GANC: variants seen among roughly 807,000 people sequenced by gnomAD.
The protein encoded by GANC is glucosidase alpha, neutral C.
A neutral mutation model predicts 124.2 loss-of-function variants in GANC; 117 were observed. The ratio of observed to expected loss-of-function variants is 0.94; its 90% CI spans 0.81 to 1.10. The LOEUF is 1.10. GANC is among the 50% of genes least tolerant of loss of function. GANC has a pLI of 0.00. For missense variants in GANC, 1,140 were observed against 1,095.0 expected, an observed-to-expected ratio of 1.04 and a Z score of -0.58; for synonymous variants, 377 against 376.8, an observed-to-expected ratio of 1.00 and a Z score of -0.01.
intron 14 of GANC, among the ~76,000 whole-genome samples, chr15:42,329,767 C>T (rs2052227737): frequency 6.6e-6 from 1 of 152,090 alleles, no homozygotes. Context: ...TTGATGCAAG[C>T]AGTATATAAA....
At chr15:42,280,196 A>G (rs1038185749) in intron 3 of GANC, among the ~76,000 whole-genome samples, 3 of 152,078 alleles carry the variant, frequency 2.0e-5, no homozygotes, top group Admixed American at 6.5e-5. Flanking sequence ...GCCTTTCTCC[A>G]AAATCTAGTA....
chr15:42,322,513 C>T (rs538512121), intron 11 of GANC, among the ~76,000 whole-genome samples: 7 of 152,064 alleles, frequency 4.6e-5, no homozygotes, highest in Admixed American at 2.6e-4. Flanking sequence ...GGCTCTTGCA[C>T]GCAGGCTGAG....
intron 2 of GANC, chr15:42,278,107 T>C: frequency 3.0e-6 from 1 of 327,916 alleles, no homozygotes; most frequent in South Asian, 2.3e-5. Context: ...GTTAAACCAC[T>C]AGATTATATT....
In GANC at chr15:42,340,853, G is replaced by A. The variant is rs141396226; in HGVS notation, c.2152+99G>A. 2,288 of 891,240 alleles carry A rather than the reference G, an allele frequency of 2.6e-3. 46 individuals are homozygous for A. In the African/African-American group the frequency reaches 0.037, roughly 14 times the overall value. The allele number at this position is 891,240 out of a possible 1,614,324, so 55.2% of individuals were successfully genotyped here. ...GCTATCTCGGCTCACTGCAACCTCC[G>A]CCTCCCGGTTTCAAGAAATTGTCTG... On this transcript the variant is annotated intron_variant, in intron 18 of 23. Transcript: ENST00000318010.
intron 11 of GANC, among the ~76,000 whole-genome samples, chr15:42,323,490 A>T (rs2052177071): frequency 7.2e-6 from 1 of 139,158 alleles, no homozygotes; most frequent in Non-Finnish European, 1.6e-5. Context: ...ATTTTATTTT[A>T]TTTATTTATT....
At chr15:42,334,588 A>G (rs1283169090) in intron 15 of GANC, among the ~76,000 whole-genome samples, 1 of 152,224 alleles carries the variant, frequency 6.6e-6, no homozygotes, top group Non-Finnish European at 1.5e-5. Flanking sequence ...TGCCCTTTCA[A>G]AGACATTGGT....
chr15:42,310,623 T>TA (rs2052041622), intron 9 of GANC, 70 bp from the exon 10 acceptor site: 1 of 1,563,230 alleles, frequency 6.4e-7, no homozygotes, highest in Non-Finnish European at 8.7e-7. Flanking sequence ...ATCAGACTGT[T>TA]ACTTATATGT....
At position 42,273,443 on chromosome 15, in the gene GANC, C is replaced by T; in HGVS notation, c.-1039C>T. 1 of 1,609,278 alleles carries T rather than the reference C, an allele frequency of 6.2e-7. No homozygotes were observed. Among genetic ancestry groups the T allele is most frequent in the Non-Finnish European group, 8.5e-7 (1 of 1,178,072 alleles). ...CTACCGAAAGCATTTCACCCTCTTC[C>T]GGTTCGTCCCGCCTTCTTCCGGCTC... On this transcript the variant is annotated 5_prime_UTR_variant, in exon 1 of 24. Transcript: ENST00000318010.
At chr15:42,290,723 A>G (rs1201407550) in intron 4 of GANC, among the ~76,000 whole-genome samples, 1 of 152,172 alleles carries the variant, frequency 6.6e-6, no homozygotes, top group East Asian at 1.9e-4. Context: ...TGAAAGGATC[A>G]CTTGACCCCA....
Position 42,274,237 on chromosome 15 carries a change from C to T in GANC, c.-245C>T. The T allele has an allele frequency of 2.0e-6, 1 of 497,152 alleles. No individual in the cohort carries two copies. Among genetic ancestry groups the T allele is most frequent in the South Asian group, 2.2e-5 (1 of 46,406 alleles). The allele number at this position is 497,152 out of a possible 1,614,324, so 30.8% of individuals were successfully genotyped here. ...TAACAAAAGCACGTTCCTCATCAGC[C>T]ACCCATAATCAAGACAAATTTGCCA... On this transcript the variant is annotated 5_prime_UTR_variant, in exon 1 of 24. Coordinates refer to ENST00000318010, the MANE Select transcript of GANC (RefSeq NM_198141.3).
chr15:42,312,256 T>C (rs775866660), intron 10 of GANC, among the ~76,000 whole-genome samples: 5 of 152,246 alleles, frequency 3.3e-5, no homozygotes, highest in African/African-American at 1.2e-4. Context: ...ATACTTCTTA[T>C]ATGATTTGGC....
intron 3 of GANC, among the ~76,000 whole-genome samples, chr15:42,279,076 A>G (rs2051705655): frequency 6.6e-6 from 1 of 152,232 alleles, no homozygotes; most frequent in African/African-American, 2.4e-5. Context: ...ATATGAATAT[A>G]AGTATATAGA....
At chr15:42,298,562 T>G (rs1200930032) in intron 6 of GANC, among the ~76,000 whole-genome samples, 1 of 152,210 alleles carries the variant, frequency 6.6e-6, no homozygotes, top group Non-Finnish European at 1.5e-5. Context: ...TGCATGGTCT[T>G]ATTTCTATTT....
intron 2 of GANC, among the ~76,000 whole-genome samples, chr15:42,277,347 A>G (rs372099980): frequency 1.1e-3 from 164 of 152,074 alleles, no homozygotes; most frequent in African/African-American, 3.8e-3. Context: ...CCTGACCAAC[A>G]TGCAGAAACC....
chr15:42,298,279 GA>G (rs891411559), intron 6 of GANC, among the ~76,000 whole-genome samples: 37 of 152,288 alleles, frequency 2.4e-4, no homozygotes, highest in African/African-American at 7.5e-4. Context: ...TTCATCTGGA[GA>G]AAGGAAAGCA....
At chr15:42,281,016 C>T (rs1437594671) in intron 3 of GANC, 2 of 702,564 alleles carry the variant, frequency 2.8e-6, no homozygotes, top group Non-Finnish European at 5.2e-6. Context: ...AAGACAGCAC[C>T]TGGCTCAAAA....
chr15:42,326,339 C>T lies in GANC; in HGVS notation c.1335C>T (p.Asp445=). The change falls in exon 12 of 24, where the codon GAC becomes GAT. Residue 445 remains aspartate, a synonymous_variant. Coordinates refer to ENST00000318010, the MANE Select transcript of GANC (RefSeq NM_198141.3). ...ATCCCCACATCAAGATTGATCCTGA[C>T]TACTCAGTATATGTGAAGGCCAAAG... ...ISDPHIKIDP[D]YSVYVKAKDQ... is the part of the protein sequence containing the mutation. 3.1e-6 allele frequency: 5 copies of T among 1,614,058 alleles called. No homozygotes were observed. The highest frequency in any genetic ancestry group is 4.2e-6 in the Non-Finnish European group (5 of 1,179,962).
intron 11 of GANC, 70 bp from the exon 12 acceptor site, chr15:42,326,228 C>T (rs2052197417): frequency 9.8e-6 from 11 of 1,118,946 alleles, no homozygotes; most frequent in Non-Finnish European, 1.4e-5. Context: ...CAAACTATGG[C>T]GAAAACATAT....
At chr15:42,313,420 C>T (rs2052072939) in intron 10 of GANC, among the ~76,000 whole-genome samples, 2 of 152,094 alleles carry the variant, frequency 1.3e-5, no homozygotes, top group Admixed American at 1.3e-4. Context: ...TTTTGTGCAT[C>T]AAAGAACATA....
Sources: gnomAD v4.1 joint callset for allele counts (sites outside exome capture counted in the v4.1 genomes callset) on GRCh38, gnomAD v4.1.1 for gene constraint, MANE v1.5 for transcripts, NCBI Gene and HGNC (gene_info 2026-07-23, HGNC 2026-07-21) for gene names.